The following ZKSCAN3 variants were observed in gnomAD, a reference collection of about 807,000 sequenced individuals.
The protein encoded by ZKSCAN3 is zinc finger protein with KRAB and SCAN domains 3.
A neutral mutation model predicts 30.7 loss-of-function variants in ZKSCAN3; 21 were observed. That is an observed-to-expected ratio of 0.68 (90% CI 0.49 to 0.99). The LOEUF is 0.99. Among genes scored for constraint, ZKSCAN3 ranks in the 50% least tolerant of loss-of-function variants. The probability of loss-of-function intolerance (pLI) is 0.00; values close to 1 mark genes in which losing one functional copy is unlikely to be tolerated. For missense variants in ZKSCAN3, 507 were observed against 647.1 expected (o/e 0.78, Z 2.35); for synonymous variants, 201 against 246.7 (o/e 0.81, Z 1.73).
chr6:28,358,899 GAAAAAAAAAA>G (rs201554097), intron 1 of ZKSCAN3, among the ~76,000 whole-genome samples: 124 of 106,058 alleles, frequency 1.2e-3, no homozygotes, highest in African/African-American at 3.0e-3. Context: ...AAACAAATAA[GAAAAAAAAAA>G]AAAAAAAAAA....
intron 1 of ZKSCAN3, chr6:28,356,393 G>C (rs536347124): frequency 1.3e-5 from 2 of 152,272 alleles, no homozygotes; most frequent in South Asian, 2.1e-4. Context: ...CATCTCAGAG[G>C]GGGAGCAGGA....
At chr6:28,364,448 G>C (rs1319009517) in intron 5 of ZKSCAN3, among the ~76,000 whole-genome samples, 1 of 152,218 alleles carries the variant, frequency 6.6e-6, no homozygotes, top group Non-Finnish European at 1.5e-5. Flanking sequence ...AAAGCTGGGA[G>C]GCCTCTTCAG....
intron 2 of ZKSCAN3, 146 bp from the exon 3 acceptor site, chr6:28,361,175 TATA>T: frequency 1.0e-5 from 9 of 858,036 alleles, no homozygotes; most frequent in Admixed American, 3.2e-5. Flanking sequence ...GTAAAATGGG[TATA>T]ATAATAATAC....
chr6:28,358,451 A>C (rs1765565687), intron 1 of ZKSCAN3, among the ~76,000 whole-genome samples: 1 of 152,034 alleles, frequency 6.6e-6, no homozygotes, highest in African/African-American at 2.4e-5. Context: ...TGTATTTTTT[A>C]ATTGTTGTTT....
chr6:28,361,665 A>T (rs905313846), intron 3 of ZKSCAN3, among the ~76,000 whole-genome samples, 194 bp downstream of exon 3: 1 of 152,218 alleles, frequency 6.6e-6, no homozygotes, highest in Non-Finnish European at 1.5e-5. Context: ...CATAGTAAAT[A>T]AGATATTAGT....
rs1317757346 is a variant in ZKSCAN3 at position 28,351,311 on chromosome 6, T to C, written c.-63+1244T>C. Among the ~76,000 whole-genome samples the C allele has an allele frequency of 6.6e-6, 1 of 152,180 alleles. No homozygotes were observed. The highest frequency in any genetic ancestry group is 1.9e-4 in the East Asian group (1 of 5,200). On this transcript the variant is annotated intron_variant, in intron 1 of 5. Transcript: ENST00000252211. This position sits in a 1 kb window ranked among gnomAD's most constrained non-coding sequence, Gnocchi z 4.6. Reference sequence around the variant, plus strand: ...ATGTATCAGTGTTGTTTTCCTGCCATAGACTTCCTCCCTTCCCCACCGTGG... The same window carrying C: ...ATGTATCAGTGTTGTTTTCCTGCCACAGACTTCCTCCCTTCCCCACCGTGG...
chr6:28,362,229 T>A (rs954986378), intron 3 of ZKSCAN3, among the ~76,000 whole-genome samples: 2 of 152,204 alleles, frequency 1.3e-5, no homozygotes, highest in Non-Finnish European at 2.9e-5. Context: ...TACATTTAAG[T>A]GAGGAAGATG....
intron 4 of ZKSCAN3, 62 bp from the exon 5 acceptor site, chr6:28,363,629 AG>A (rs1460676669): frequency 6.2e-7 from 1 of 1,606,164 alleles, no homozygotes; most frequent in Non-Finnish European, 8.5e-7. Flanking sequence ...GGTGCTTCCC[AG>A]ATCTTCCCCA....
chr6:28,361,154 T>C (rs552447734), intron 2 of ZKSCAN3, among the ~76,000 whole-genome samples, 170 bp from the exon 3 acceptor site: 1 of 152,330 alleles, frequency 6.6e-6, no homozygotes, highest in Admixed American at 6.5e-5. Flanking sequence ...TGTGCCTTAA[T>C]TTCCCTATCA....
intron 3 of ZKSCAN3, 143 bp from the exon 4 acceptor site, chr6:28,363,160 A>G (rs367936680): frequency 3.3e-5 from 22 of 673,964 alleles, no homozygotes; most frequent in South Asian, 1.2e-4. Context: ...CAGTGGCTCA[A>G]TCACAGCTCA....
chr6:28,363,485 C>T (rs1765843273), intron 4 of ZKSCAN3, 100 bp downstream of exon 4: 1 of 1,312,764 alleles, frequency 7.6e-7, no homozygotes, highest in South Asian at 1.3e-5. Context: ...AATCCTAGAT[C>T]CTCCATACAG....
At chr6:28,363,659 C>A in intron 4 of ZKSCAN3, 33 bp from the exon 5 acceptor site, 2 of 1,613,608 alleles carry the variant, frequency 1.2e-6, no homozygotes, top group Non-Finnish European at 1.7e-6. Flanking sequence ...TTTTGGTCAG[C>A]CCCTTCTTCA....
rs1764860059 is a variant in ZKSCAN3, at chr6:28,349,971, A to T, written c.-159A>T. The T allele has an allele frequency of 6.6e-6, 1 of 152,168 alleles. No homozygotes were observed. The highest frequency in any genetic ancestry group is 2.1e-4 in the South Asian group (1 of 4,832). 9.4% of individuals were successfully genotyped at this position (152,168 alleles called of 1,614,324 possible). A position where few individuals can be genotyped will look rare whatever the true frequency, so the allele number is the denominator to read the frequency against. ...TGCTAGTTTCAAGCACTTTGTGAGT[A>T]TGGGGTGAATCGGCGTCGGCCTTCC... On this transcript the variant is annotated 5_prime_UTR_variant, in exon 1 of 6. An upstream start codon of the reference 5' UTR is lost. Coordinates refer to ENST00000252211, the MANE Select transcript of ZKSCAN3 (RefSeq NM_024493.4). The surrounding 1 kb of genome is among the most constrained non-coding windows in gnomAD (Gnocchi z 4.1).
chr6:28,365,560 G>A lies in ZKSCAN3; in HGVS notation c.892G>A (p.Glu298Lys). The change falls in exon 6 of 6, where the codon GAG becomes AAG. Residue 298 changes from glutamate (E) to lysine (K), a missense_variant. Transcript: ENST00000252211. The stretch of plus-strand genomic sequence containing the variant: ...TACATGTGCAGAAGCTGGTGAACAG[G>A]AGGGCAGGCTACAAAGAAAGCAGAA... ...IPTCAEAGEQ[E>K]GRLQRKQKNA... 1 of 1,614,252 alleles carries A rather than the reference G, an allele frequency of 6.2e-7. No individual in the cohort carries two copies. Among genetic ancestry groups the A allele is most frequent in the African/African-American group, 1.3e-5 (1 of 75,062 alleles).
At chr6:28,365,059 G>A (rs1018627960) in intron 5 of ZKSCAN3, among the ~76,000 whole-genome samples, 5 of 151,988 alleles carry the variant, frequency 3.3e-5, no homozygotes, top group East Asian at 2.0e-4. Flanking sequence ...CTGTTCAACC[G>A]TTTTAGTATC....
intron 2 of ZKSCAN3, chr6:28,360,563 T>G (rs1765710632): frequency 1.0e-6 from 1 of 985,284 alleles, no homozygotes; most frequent in South Asian, 4.7e-5. Context: ...TGGTAGAAAA[T>G]GGGCCGACTT....
chr6:28,363,230 T>C (rs1371588053), intron 3 of ZKSCAN3, 73 bp from the exon 4 acceptor site: 2 of 1,314,288 alleles, frequency 1.5e-6, no homozygotes, highest in Non-Finnish European at 1.1e-6. Flanking sequence ...ATCCAGTTAT[T>C]TAACTTAGAT....
Position 28,365,450 on chromosome 6 carries a change from G to A in ZKSCAN3, c.782G>A (p.Arg261Lys). The change falls in exon 6 of 6, where the codon AGG (arginine) becomes AAG (lysine). Residue 261 changes from arginine to lysine, a missense_variant. By Grantham distance (26) the Arg-to-Lys change is conservative. Coordinates refer to ENST00000252211, the MANE Select transcript of ZKSCAN3 (RefSeq NM_024493.4). ...SLGDEKQTKSRDLPPAEELPE... is the reference protein window; with the variant it reads ...SLGDEKQTKSKDLPPAEELPE... ...GGTGATGAAAAACAGACTAAGAGCA[G>A]GGACTTGCCTCCAGCTGAGGAGCTT... 7 of 1,612,418 alleles carry A rather than the reference G, an allele frequency of 4.3e-6. No homozygotes were observed. The Middle Eastern group carries it at 8.3e-4, about 190-fold the overall frequency.
intron 1 of ZKSCAN3, chr6:28,354,030 C>T (rs1765248611): frequency 2.3e-6 from 1 of 442,784 alleles, no homozygotes; most frequent in African/African-American, 2.0e-5. Context: ...TCTCGGCTGC[C>T]TCCTCCGACC....
Sources: allele counts gnomAD v4.1 joint callset (sites outside exome capture counted in the v4.1 genomes callset), GRCh38; gene constraint gnomAD v4.1.1; non-coding constraint Gnocchi (gnomAD v3.1); transcripts MANE v1.5; gene names NCBI Gene and HGNC (gene_info 2026-07-23, HGNC 2026-07-21).